Variants in CCDC102B observed in about 807,000 individuals in gnomAD.
CCDC102B encodes the protein coiled-coil domain containing 102B.
A neutral mutation model predicts 57.4 loss-of-function variants in CCDC102B; 75 were observed. That is an observed-to-expected ratio of 1.31 (90% CI 1.08 to 1.58). CCDC102B has a LOEUF of 1.58. Among genes scored for constraint, CCDC102B ranks in the 40% most tolerant of loss-of-function variants. The probability of loss-of-function intolerance (pLI) is 0.00; values close to 1 mark genes in which losing one functional copy is unlikely to be tolerated. For synonymous variants in CCDC102B, 206 were observed against 201.9 expected, an observed-to-expected ratio of 1.02 and a Z score of -0.17; for missense variants, 636 against 582.6, an observed-to-expected ratio of 1.09 and a Z score of -0.94.
chr18:68,950,547 C>G (rs2049667247), intron 6 of CCDC102B, among the ~76,000 whole-genome samples: 1 of 152,024 alleles, frequency 6.6e-6, no homozygotes, highest in African/African-American at 2.4e-5. Context: ...AATGTTTGCT[C>G]TTTAATTTTA....
At chr18:69,047,910 A>G (rs1203585845) in intron 7 of CCDC102B, among the ~76,000 whole-genome samples, 1 of 152,146 alleles carries the variant, frequency 6.6e-6, no homozygotes, top group African/African-American at 2.4e-5. Context: ...AAATAATTCC[A>G]TGTTCATGGA....
chr18:69,026,284 G>A (rs1439865370), intron 7 of CCDC102B, among the ~76,000 whole-genome samples: 3 of 151,930 alleles, frequency 2.0e-5, no homozygotes, highest in Non-Finnish European at 2.9e-5. Flanking sequence ...TGACCAATAC[G>A]GTGAAAACCT....
chr18:69,017,933 C>G (rs1349528958), intron 7 of CCDC102B, among the ~76,000 whole-genome samples: 1 of 152,100 alleles, frequency 6.6e-6, no homozygotes, highest in Non-Finnish European at 1.5e-5. Flanking sequence ...TCATAATGTC[C>G]TCTGGGTTAT....
At chr18:68,888,112 T>G (rs186899893) in intron 5 of CCDC102B, among the ~76,000 whole-genome samples, 1 of 152,334 alleles carries the variant, frequency 6.6e-6, no homozygotes, top group East Asian at 1.9e-4. Context: ...AGTGTTGATT[T>G]TAACATTTAT....
At chr18:68,996,522 C>G (rs1208260831) in intron 6 of CCDC102B, among the ~76,000 whole-genome samples, 3 of 152,154 alleles carry the variant, frequency 2.0e-5, no homozygotes, top group Admixed American at 1.3e-4. Flanking sequence ...TTCATCTATC[C>G]TATTAGTTCT....
intron 7 of CCDC102B, among the ~76,000 whole-genome samples, chr18:69,033,598 C>A (rs981361913): frequency 6.6e-6 from 1 of 152,006 alleles, no homozygotes; most frequent in African/African-American, 2.4e-5. Context: ...CAAAGTTCAT[C>A]ATCTTGTAGC....
At chr18:68,716,019 G>A (rs2031950413) in intron 1 of CCDC102B, among the ~76,000 whole-genome samples, 1 of 152,138 alleles carries the variant, frequency 6.6e-6, no homozygotes, top group Non-Finnish European at 1.5e-5. Context: ...CTCTAATTGA[G>A]AGCAAGCCCT....
At chr18:68,843,637 C>T (rs956793688) in intron 3 of CCDC102B, among the ~76,000 whole-genome samples, 1 of 151,978 alleles carries the variant, frequency 6.6e-6, no homozygotes, top group African/African-American at 2.4e-5. Flanking sequence ...TTTATATCAT[C>T]ATATTAAAGA....
chr18:68,916,442 C>T (rs1326628512), intron 6 of CCDC102B, among the ~76,000 whole-genome samples: 1 of 152,174 alleles, frequency 6.6e-6, no homozygotes. Context: ...TCTGTATCTC[C>T]TTGTTGCCTC....
chr18:68,955,761 T>G, intron 6 of CCDC102B, among the ~76,000 whole-genome samples: 1 of 152,034 alleles, frequency 6.6e-6, no homozygotes, highest in East Asian at 1.9e-4. Flanking sequence ...TCAAAGTTTT[T>G]GTACTTTCTC....
chr18:68,869,148 T>C (rs2039130263), intron 4 of CCDC102B, among the ~76,000 whole-genome samples: 2 of 152,086 alleles, frequency 1.3e-5, no homozygotes, highest in African/African-American at 4.8e-5. Context: ...TGAGGTTGAT[T>C]TGGAAGTGTT....
intron 6 of CCDC102B, among the ~76,000 whole-genome samples, chr18:68,938,133 A>T (rs1181328128): frequency 6.6e-6 from 1 of 152,016 alleles, no homozygotes; most frequent in Admixed American, 6.6e-5. Flanking sequence ...AATTTATACA[A>T]TTGAGACAAT....
intron 1 of CCDC102B, among the ~76,000 whole-genome samples, chr18:68,827,326 T>A (rs1568272230): frequency 6.6e-6 from 1 of 152,086 alleles, no homozygotes; most frequent in Non-Finnish European, 1.5e-5. Context: ...ATGAAAATTA[T>A]AAAATCATTT....
intron 2 of CCDC102B, among the ~76,000 whole-genome samples, chr18:68,728,554 G>A (rs2032707135): frequency 6.6e-6 from 1 of 152,112 alleles, no homozygotes; most frequent in Admixed American, 6.6e-5. Flanking sequence ...TCAGCTTTAG[G>A]CACAGCTGGC....
chr18:68,741,667 TCACACACACACACACACACACA>T (rs60407642), intron 2 of CCDC102B, among the ~76,000 whole-genome samples: 1 of 140,288 alleles, frequency 7.1e-6, no homozygotes, highest in African/African-American at 2.7e-5. Flanking sequence ...TGAAGACTGG[TCACACACACACACACACACACA>T]CACACACACA....
At chr18:68,877,855 G>C (rs896770026) in intron 5 of CCDC102B, among the ~76,000 whole-genome samples, 1 of 152,146 alleles carries the variant, frequency 6.6e-6, no homozygotes, top group East Asian at 1.9e-4. Flanking sequence ...AAAGGAAAGG[G>C]CCTGACAGTT....
chr18:68,762,016 C>G (rs2034269991), intron 2 of CCDC102B, among the ~76,000 whole-genome samples: 1 of 152,098 alleles, frequency 6.6e-6, no homozygotes, highest in Non-Finnish European at 1.5e-5. Flanking sequence ...TGTCCCTTGA[C>G]ATTTTACCAT....
chr18:68,874,836 T>A (rs1383269208), intron 5 of CCDC102B, 51 bp downstream of exon 5: 2 of 1,133,904 alleles, frequency 1.8e-6, no homozygotes, highest in Non-Finnish European at 2.6e-6. Context: ...AACTGACTGT[T>A]GTTAAATGCC....
At chr18:68,993,554 C>A (rs1475598491) in intron 6 of CCDC102B, among the ~76,000 whole-genome samples, 1 of 152,162 alleles carries the variant, frequency 6.6e-6, no homozygotes, top group Non-Finnish European at 1.5e-5. Flanking sequence ...AACAATATTT[C>A]ATTACTTTAT....
Sources: gnomAD v4.1 joint callset for allele counts (sites outside exome capture counted in the v4.1 genomes callset) on GRCh38, gnomAD v4.1.1 for gene constraint, MANE v1.5 for transcripts, NCBI Gene and HGNC (gene_info 2026-07-23, HGNC 2026-07-21) for gene names.